The following SYT9 variants were observed in gnomAD, a reference collection of about 807,000 sequenced individuals.
The protein encoded by SYT9 is synaptotagmin-9.
A neutral mutation model predicts 48.4 loss-of-function variants in SYT9; 22 were observed. The ratio of observed to expected loss-of-function variants is 0.45; its 90% CI spans 0.32 to 0.65. The LOEUF (loss-of-function observed/expected upper bound fraction) is 0.65. Ranked by LOEUF, SYT9 falls within the 30% of genes least tolerant of loss-of-function variation. The pLI is 0.03. For missense variants in SYT9, 577 were observed against 622.0 expected, an observed-to-expected ratio of 0.93 and a Z score of 0.77; for synonymous variants, 265 against 245.0, an observed-to-expected ratio of 1.08 and a Z score of -0.76.
Position 7,303,134 on chromosome 11 carries a change from C to T in SYT9, c.241C>T (p.Pro81Ser). Residue 81 changes from proline to serine, a missense_variant, in exon 2 of 7, where the codon CCG (proline) becomes TCG (serine). Transcript: ENST00000318881. ...CGTATCTTGGAAACTCTGCTGGGTTCCGTGGCGAGAACGAGGCCTGCCCTC... is the reference window on the plus strand; with the variant it reads ...CGTATCTTGGAAACTCTGCTGGGTTTCGTGGCGAGAACGAGGCCTGCCCTC... ...LFVSWKLCWV[P>S]WRERGLPSGS... 3.1e-6 allele frequency: 5 copies of T among 1,614,182 alleles called. No homozygotes were observed. Among genetic ancestry groups the T allele is most frequent in the African/African-American group, 2.7e-5 (2 of 75,036 alleles).
chr11:7,299,339 G>A (rs1848872862), intron 1 of SYT9, among the ~76,000 whole-genome samples: 1 of 152,094 alleles, frequency 6.6e-6, no homozygotes, highest in African/African-American at 2.4e-5. Flanking sequence ...AGGTAGAAAT[G>A]TACTATCTAG....
At chr11:7,383,288 T>C (rs1278827544) in intron 3 of SYT9, among the ~76,000 whole-genome samples, 2 of 152,186 alleles carry the variant, frequency 1.3e-5, no homozygotes, top group African/African-American at 4.8e-5. Context: ...GTTTTTGCTT[T>C]AGAAAGAGGC....
At chr11:7,401,570 T>A (rs1480839206) in intron 3 of SYT9, among the ~76,000 whole-genome samples, 5 of 151,830 alleles carry the variant, frequency 3.3e-5, no homozygotes, top group African/African-American at 1.2e-4. Context: ...TTAGTAGATA[T>A]AAGACTACTC....
At chr11:7,351,085 ATAAC>A (rs773534830) in intron 3 of SYT9, among the ~76,000 whole-genome samples, 40 of 152,226 alleles carry the variant, frequency 2.6e-4, no homozygotes, top group Non-Finnish European at 4.7e-4. Flanking sequence ...TCCTACATAA[ATAAC>A]TAGGGTTTTA....
At chr11:7,386,538 C>G (rs1324307465) in intron 3 of SYT9, among the ~76,000 whole-genome samples, 1 of 152,026 alleles carries the variant, frequency 6.6e-6, no homozygotes, top group East Asian at 1.9e-4. Flanking sequence ...CCAAAAGACA[C>G]ATGAAAATAT....
At chr11:7,396,888 A>G (rs924261079) in intron 3 of SYT9, among the ~76,000 whole-genome samples, 1 of 152,146 alleles carries the variant, frequency 6.6e-6, no homozygotes, top group Non-Finnish European at 1.5e-5. Context: ...ACTTCTATAT[A>G]TTTATACATA....
In SYT9 at chr11:7,286,520, T is replaced by C. The variant is rs191497308; in HGVS notation, c.146-16519T>C. 2.6e-5 allele frequency among the ~76,000 whole-genome samples: 4 copies of C among 152,380 alleles called. No homozygotes were observed. In the East Asian group the frequency reaches 7.7e-4, roughly 29 times the overall value. ...TGCCTTGGAGACATTTTCCTCATTG[T>C]GTTCATGATTAACATTTGGCTTCTT... On this transcript the variant is annotated intron_variant, in intron 1 of 6. Transcript: ENST00000318881.
In SYT9 at chr11:7,252,295, C is replaced by T; in HGVS notation, c.109C>T (p.Leu37=). The T allele has an allele frequency of 6.6e-7, 1 of 1,512,102 alleles. No homozygotes were observed. The highest frequency in any genetic ancestry group is 1.3e-5 in the South Asian group (1 of 79,650). The allele number at this position is 1,512,102 out of a possible 1,614,324, so 93.7% of individuals were successfully genotyped here. ...HDSCQDFIYH[L]RDRARPRLRD... is the part of the protein sequence containing the mutation. The stretch of plus-strand genomic sequence containing the variant: ...CAGCTGCCAGGATTTCATTTACCAC[C>T]TGCGGGACCGTGCCAGACCCCGGCT... The change falls in exon 1 of 7, where the codon CTG becomes TTG. Residue 37 remains leucine (L), a synonymous_variant. Transcript: ENST00000318881. The surrounding 1 kb of genome is among the most constrained non-coding windows in gnomAD (Gnocchi z 6.3).
intron 3 of SYT9, among the ~76,000 whole-genome samples, chr11:7,327,800 T>C (rs1849455854): frequency 8.2e-5 from 2 of 24,432 alleles, no homozygotes; most frequent in African/African-American, 1.6e-4. Flanking sequence ...GAAACCATCA[T>C]TCTCAGTAAA....
At chr11:7,364,942 G>T (rs936462973) in intron 3 of SYT9, among the ~76,000 whole-genome samples, 10 of 152,154 alleles carry the variant, frequency 6.6e-5, no homozygotes, top group Non-Finnish European at 1.3e-4. Context: ...CTGAACCTTT[G>T]TTCAGACAGT....
At chr11:7,463,244 A>C (rs1352286309) in intron 6 of SYT9, among the ~76,000 whole-genome samples, 2 of 152,164 alleles carry the variant, frequency 1.3e-5, no homozygotes, top group African/African-American at 4.8e-5. Context: ...CTCAACAGTT[A>C]TTAAACCACC....
At chr11:7,449,071 T>TCACC (rs1847990863) in intron 6 of SYT9, among the ~76,000 whole-genome samples, 1 of 152,034 alleles carries the variant, frequency 6.6e-6, no homozygotes, top group African/African-American at 2.4e-5. Flanking sequence ...AGGTCAGGCA[T>TCACC]GGTGGCTCAC....
intron 6 of SYT9, among the ~76,000 whole-genome samples, chr11:7,445,439 G>A (rs978209764): frequency 2.0e-5 from 3 of 151,994 alleles, no homozygotes; most frequent in African/African-American, 4.8e-5. Flanking sequence ...GGGGATGGTC[G>A]CCTGGGAACC....
intron 3 of SYT9, among the ~76,000 whole-genome samples, chr11:7,414,064 C>G (rs7938208): frequency 7.2e-5 from 11 of 151,922 alleles, no homozygotes; most frequent in African/African-American, 2.7e-4. Flanking sequence ...AAACAAACCA[C>G]CATACCTAGC....
In SYT9 at chr11:7,260,528, T is replaced by C. The variant is rs181908205; in HGVS notation, c.145+8197T>C. Among the ~76,000 whole-genome samples, 198 of 152,312 alleles carry C rather than the reference T, an allele frequency of 1.3e-3. 1 individual carries two copies. The highest frequency in any genetic ancestry group is 0.01 in the Middle Eastern group (3 of 294). On this transcript the variant is annotated intron_variant, in intron 1 of 6. Coordinates refer to ENST00000318881, the MANE Select transcript of SYT9 (RefSeq NM_175733.4). ...CTGTATGCCATTGCCAAAAACCCAC[T>C]GAGGACTAACTGGAGCACTCTGACA... is the stretch of plus-strand genomic sequence containing the variant.
intron 3 of SYT9, among the ~76,000 whole-genome samples, chr11:7,396,210 C>T (rs758223779): frequency 6.6e-6 from 1 of 152,004 alleles, no homozygotes; most frequent in Non-Finnish European, 1.5e-5. Context: ...AAGATTATGC[C>T]CTCTGCAATC....
chr11:7,429,150 A>G (rs1038308367), intron 6 of SYT9, among the ~76,000 whole-genome samples: 1 of 152,098 alleles, frequency 6.6e-6, no homozygotes, highest in Non-Finnish European at 1.5e-5. Context: ...CCCTTTTCTG[A>G]TGGCCCTGAT....
chr11:7,323,396 A>G (rs770075672), intron 3 of SYT9, among the ~76,000 whole-genome samples: 6 of 152,144 alleles, frequency 3.9e-5, no homozygotes, highest in Admixed American at 6.6e-5. Flanking sequence ...AATACTATGC[A>G]TGAATAAGGA....
At chr11:7,376,711 G>C (rs138231879) in intron 3 of SYT9, among the ~76,000 whole-genome samples, 45 of 152,114 alleles carry the variant, frequency 3.0e-4, no homozygotes, top group African/African-American at 1.1e-3. Flanking sequence ...GCAGACCTCT[G>C]CTACATCCCG....
Sources: gnomAD v4.1 joint callset for allele counts (sites outside exome capture counted in the v4.1 genomes callset) on GRCh38, gnomAD v4.1.1 for gene constraint, Gnocchi (gnomAD v3.1) non-coding constraint, MANE v1.5 for transcripts, NCBI Gene and HGNC (gene_info 2026-07-23, HGNC 2026-07-21) for gene names.